The following SH3RF3 variants were observed in gnomAD, a reference collection of about 807,000 sequenced individuals.
SH3RF3 encodes SH3 domain containing ring finger 3.
Under a neutral mutation model 66.3 loss-of-function variants are expected in SH3RF3, and 29 were observed. The ratio of observed to expected loss-of-function variants is 0.44; its 90% CI spans 0.33 to 0.60. The LOEUF (loss-of-function observed/expected upper bound fraction) is 0.60, where lower values mean the gene tolerates loss of function less well. Ranked by LOEUF, SH3RF3 falls within the 20% of genes least tolerant of loss-of-function variation. SH3RF3 has a pLI of 0.04. For synonymous variants in SH3RF3, 583 were observed against 532.0 expected, an observed-to-expected ratio of 1.10 and a Z score of -1.32; for missense variants, 1,194 against 1,190.9, an observed-to-expected ratio of 1.00 and a Z score of -0.04.
chr2:109,379,689 C>T, intron 3 of SH3RF3, among the ~76,000 whole-genome samples: 1 of 152,190 alleles, frequency 6.6e-6, no homozygotes, highest in East Asian at 1.9e-4. Flanking sequence ...AGGGATCCCC[C>T]AGCCTTAGTG....
At chr2:109,475,943 A>G (rs1417821113) in intron 8 of SH3RF3, among the ~76,000 whole-genome samples, 3 of 152,196 alleles carry the variant, frequency 2.0e-5, no homozygotes, top group Non-Finnish European at 4.4e-5. Context: ...TAGGCCAACC[A>G]AAAACTTCCT....
chr2:109,486,951 C>T (rs1448024777), intron 8 of SH3RF3, among the ~76,000 whole-genome samples: 1 of 152,202 alleles, frequency 6.6e-6, no homozygotes, highest in Non-Finnish European at 1.5e-5. Flanking sequence ...CCCTGTGAGG[C>T]TGAACTGATT....
rs1574555008 is a variant in SH3RF3 at position 109,293,521 on chromosome 2, C to A, written c.574-54153C>A. On this transcript the variant is annotated intron_variant, in intron 1 of 9. Transcript: ENST00000309415. ...GTGGTGGGTCAGCCCCCATGTCAGGCAGTCATCCTCTGTCCCCTGCATGCA... is the reference window on the plus strand; with the variant it reads ...GTGGTGGGTCAGCCCCCATGTCAGGAAGTCATCCTCTGTCCCCTGCATGCA... Among the ~76,000 whole-genome samples the A allele has an allele frequency of 2.0e-5, 3 of 152,358 alleles. No individual in the cohort carries two copies. In the East Asian group the frequency reaches 5.8e-4, roughly 29 times the overall value.
intron 2 of SH3RF3, among the ~76,000 whole-genome samples, chr2:109,358,349 A>G (rs1287142511): frequency 6.6e-6 from 1 of 152,126 alleles, no homozygotes; most frequent in Non-Finnish European, 1.5e-5. Context: ...AAATAAAGCC[A>G]CTCTAAACAT....
At chr2:109,450,988 GCT>G (rs1448630516) in intron 8 of SH3RF3, among the ~76,000 whole-genome samples, 1 of 152,192 alleles carries the variant, frequency 6.6e-6, no homozygotes, top group Non-Finnish European at 1.5e-5. Context: ...GACTCGGCGG[GCT>G]CTCTGCCCAT....
At chr2:109,344,301 G>A (rs577130325) in intron 1 of SH3RF3, among the ~76,000 whole-genome samples, 8 of 152,208 alleles carry the variant, frequency 5.3e-5, no homozygotes, top group Non-Finnish European at 1.0e-4. Flanking sequence ...ATGGAATTAG[G>A]AGGGCACAGG....
chr2:109,487,197 C>T (rs1246080540), intron 8 of SH3RF3, among the ~76,000 whole-genome samples: 10 of 152,224 alleles, frequency 6.6e-5, no homozygotes, highest in Non-Finnish European at 1.5e-4. Flanking sequence ...CATAATCTTT[C>T]AGCCCAGATC....
chr2:109,257,630 A>G (rs1320861517), intron 1 of SH3RF3, among the ~76,000 whole-genome samples: 1 of 152,068 alleles, frequency 6.6e-6, no homozygotes, highest in Non-Finnish European at 1.5e-5. Context: ...CCATCCCATG[A>G]AGAAGACTTT....
chr2:109,279,833 G>T (rs1372723809), intron 1 of SH3RF3, among the ~76,000 whole-genome samples: 1 of 152,188 alleles, frequency 6.6e-6, no homozygotes, highest in Non-Finnish European at 1.5e-5. Flanking sequence ...GGAGTGTGGG[G>T]GCTGGTGGGG....
At chr2:109,319,542 G>A (rs1201280459) in intron 1 of SH3RF3, among the ~76,000 whole-genome samples, 4 of 152,236 alleles carry the variant, frequency 2.6e-5, no homozygotes, top group Non-Finnish European at 5.9e-5. Flanking sequence ...TTCTGAGTGA[G>A]AGGGGGCTCA....
At chr2:109,142,019 C>T (rs1282711583) in intron 1 of SH3RF3, among the ~76,000 whole-genome samples, 5 of 150,066 alleles carry the variant, frequency 3.3e-5, no homozygotes, top group East Asian at 1.9e-4. Flanking sequence ...TGCCCAAGTC[C>T]TCTTCTGGGG....
intron 3 of SH3RF3, among the ~76,000 whole-genome samples, chr2:109,379,286 C>T (rs1210541580): frequency 1.3e-5 from 2 of 152,216 alleles, no homozygotes; most frequent in Non-Finnish European, 2.9e-5. Flanking sequence ...TCAATCTCTC[C>T]AGCTTCAGTG....
At chr2:109,151,122 T>C (rs547676956) in intron 1 of SH3RF3, among the ~76,000 whole-genome samples, 73 of 152,318 alleles carry the variant, frequency 4.8e-4, no homozygotes, top group Non-Finnish European at 7.9e-4. Context: ...TGAGGGGTGG[T>C]GGTCCTTGGG....
At chr2:109,134,761 A>G (rs981175981) in intron 1 of SH3RF3, among the ~76,000 whole-genome samples, 3 of 152,222 alleles carry the variant, frequency 2.0e-5, no homozygotes, top group Admixed American at 6.5e-5. Flanking sequence ...GATTCTAAAC[A>G]TAAGCAGTGG....
intron 1 of SH3RF3, among the ~76,000 whole-genome samples, chr2:109,198,444 C>G (rs1418755731): frequency 6.6e-6 from 1 of 152,124 alleles, no homozygotes; most frequent in Non-Finnish European, 1.5e-5. Context: ...GGTACCCTGC[C>G]CAGCACAGAT....
intron 5 of SH3RF3, among the ~76,000 whole-genome samples, chr2:109,420,233 C>A (rs1676834891): frequency 6.6e-6 from 1 of 152,196 alleles, no homozygotes; most frequent in Non-Finnish European, 1.5e-5. Flanking sequence ...CCATTTAAAT[C>A]ATGCTCTGAA....
chr2:109,339,815 A>C (rs1026919560), intron 1 of SH3RF3, among the ~76,000 whole-genome samples: 1 of 152,122 alleles, frequency 6.6e-6, no homozygotes, highest in Admixed American at 6.5e-5. Flanking sequence ...GATAAATGTA[A>C]ACAGATCTGG....
In SH3RF3 at chr2:109,191,527, C is replaced by T. The variant is rs538251771; in HGVS notation, c.573+61414C>T. ...CACAGCCTGGGAAAGGGGTAGGGTG[C>T]CCCTCCTGAGAGTCTGCTCAGGCTT... On this transcript the variant is annotated intron_variant, in intron 1 of 9. Coordinates refer to ENST00000309415, the MANE Select transcript of SH3RF3 (RefSeq NM_001099289.3). Among the ~76,000 whole-genome samples the T allele has an allele frequency of 9.8e-5, 15 of 152,336 alleles. No individual in the cohort carries two copies. In the South Asian group the frequency reaches 3.1e-3, roughly 32 times the overall value.
intron 8 of SH3RF3, among the ~76,000 whole-genome samples, chr2:109,473,602 T>C (rs1479225891): frequency 6.6e-6 from 1 of 152,172 alleles, no homozygotes; most frequent in Non-Finnish European, 1.5e-5. Flanking sequence ...GGTTTCTGAA[T>C]GGGACCTAAA....
Sources: allele counts gnomAD v4.1 joint callset (sites outside exome capture counted in the v4.1 genomes callset), GRCh38; gene constraint gnomAD v4.1.1; transcripts MANE v1.5; gene names NCBI Gene and HGNC (gene_info 2026-07-23, HGNC 2026-07-21).